Variants in FMN2 observed in about 807,000 individuals in gnomAD.
FMN2 encodes the protein formin-2.
FMN2 carries 51 observed loss-of-function variants against 142.3 expected under a neutral mutation model. The observed-to-expected ratio is 0.36, with a 90% confidence interval of 0.29 to 0.45. The LOEUF is 0.45. Ranked by LOEUF, FMN2 falls within the 20% of genes least tolerant of loss-of-function variation. The pLI is 1.00. For synonymous variants in FMN2, 882 were observed against 869.8 expected (o/e 1.01, Z -0.25); for missense variants, 1,936 against 2,122.8 (o/e 0.91, Z 1.73).
chr1:240,124,883 T>C (rs557246873), intron 2 of FMN2, among the ~76,000 whole-genome samples: 1 of 152,132 alleles, frequency 6.6e-6, no homozygotes, highest in East Asian at 1.9e-4. Flanking sequence ...GTTCAGGCTG[T>C]TCTTGAACTC....
At chr1:240,110,082 G>A (rs923461415) in intron 1 of FMN2, among the ~76,000 whole-genome samples, 2 of 152,166 alleles carry the variant, frequency 1.3e-5, no homozygotes, top group African/African-American at 4.8e-5. Context: ...GGCTTTGGTT[G>A]TTGTAAGTAG....
At chr1:240,264,612 A>G (rs1220516648) in intron 7 of FMN2, among the ~76,000 whole-genome samples, 1 of 152,004 alleles carries the variant, frequency 6.6e-6, no homozygotes, top group African/African-American at 2.4e-5. Context: ...ACTCCCACTT[A>G]TGAGTGAGAA....
rs1352034179 is a variant in FMN2, at chr1:240,352,686, G to A, written c.4766-3130G>A. Among the ~76,000 whole-genome samples the A allele has an allele frequency of 3.9e-5, 6 of 152,096 alleles. No individual in the cohort carries two copies. The East Asian group carries it at 7.7e-4, about 20-fold the overall frequency. ...GAAATGATAAGGGCTGTTAAATCTC[G>A]GCCTCATTTCTTTTAAGTGATGTAA... On this transcript the variant is annotated intron_variant, in intron 13 of 17. Transcript: ENST00000319653.
At chr1:240,377,271 T>C (rs751267029) in intron 14 of FMN2, among the ~76,000 whole-genome samples, 1 of 152,022 alleles carries the variant, frequency 6.6e-6, no homozygotes, top group Non-Finnish European at 1.5e-5. Context: ...TTCCCATTTT[T>C]GAGAGATATT....
At position 240,208,378 on chromosome 1, in the gene FMN2, C is replaced by G. The variant is rs776259110; in HGVS notation, c.3566C>G (p.Pro1189Arg). The G allele has an allele frequency of 3.1e-6, 5 of 1,590,348 alleles. No individual in the cohort carries two copies. Among genetic ancestry groups the G allele is most frequent in the Non-Finnish European group, 4.3e-6 (5 of 1,165,856 alleles). The change falls in exon 5 of 18, where the codon CCT becomes CGT. Residue 1189 changes from proline (P) to arginine (R), a missense_variant. By Grantham distance (103) the Pro-to-Arg change is moderately radical. Transcript: ENST00000319653. ...GGAGTGGGAATACCTCCTCCGCCCC[C>G]TCTACCTGGAGTGGGAATACCTCCT... is the stretch of plus-strand genomic sequence containing the variant. ...LPGVGIPPPP[P>R]LPGVGIPPPP...
At chr1:240,173,643 T>C (rs555674989) in intron 2 of FMN2, among the ~76,000 whole-genome samples, 1 of 152,246 alleles carries the variant, frequency 6.6e-6, no homozygotes, top group Non-Finnish European at 1.5e-5. Context: ...TGAAATGATA[T>C]TTAAGTTGAA....
intron 6 of FMN2, among the ~76,000 whole-genome samples, chr1:240,245,945 C>T (rs1427391795): frequency 6.6e-6 from 1 of 151,118 alleles, no homozygotes; most frequent in Non-Finnish European, 1.5e-5. Context: ...CTTGGGGAGG[C>T]CGTGGCGGGC....
chr1:240,376,040 T>G (rs1309177916), intron 14 of FMN2, among the ~76,000 whole-genome samples: 2 of 152,150 alleles, frequency 1.3e-5, no homozygotes, highest in Non-Finnish European at 2.9e-5. Flanking sequence ...TATATCTTCT[T>G]TTTGAATTGA....
At chr1:240,106,220 T>C (rs1661602338) in intron 1 of FMN2, among the ~76,000 whole-genome samples, 1 of 152,208 alleles carries the variant, frequency 6.6e-6, no homozygotes, top group Non-Finnish European at 1.5e-5. Flanking sequence ...GACACCTTCA[T>C]ATGATCTTCT....
At chr1:240,426,542 G>A (rs145283255) in intron 15 of FMN2, among the ~76,000 whole-genome samples, 1 of 152,152 alleles carries the variant, frequency 6.6e-6, no homozygotes, top group East Asian at 1.9e-4. Flanking sequence ...ATGTGCAAAG[G>A]TGAACAGAAT....
At chr1:240,198,487 A>G (rs1248237934) in intron 4 of FMN2, among the ~76,000 whole-genome samples, 7 of 152,210 alleles carry the variant, frequency 4.6e-5, no homozygotes, top group African/African-American at 1.7e-4. Flanking sequence ...ATTCCAGTTC[A>G]GAAATATTAT....
chr1:240,431,402 T>TTATATATATATACATATATATATA, intron 15 of FMN2, among the ~76,000 whole-genome samples: 1 of 139,200 alleles, frequency 7.2e-6, no homozygotes, highest in African/African-American at 2.7e-5. Context: ...CAACCATGTT[T>TTATATATATATACATATATATATA]TATATATATA....
intron 13 of FMN2, among the ~76,000 whole-genome samples, chr1:240,343,989 A>G (rs1671824154): frequency 6.6e-6 from 1 of 152,170 alleles, no homozygotes; most frequent in Non-Finnish European, 1.5e-5. Context: ...TGACCATGAG[A>G]TGATAGAAAA....
At chr1:240,393,359 T>C (rs1673672448) in intron 15 of FMN2, among the ~76,000 whole-genome samples, 2 of 152,204 alleles carry the variant, frequency 1.3e-5, no homozygotes. Flanking sequence ...TGATCTTTTA[T>C]GTTACTATTG....
chr1:240,365,551 T>G (rs1022136858), intron 14 of FMN2, among the ~76,000 whole-genome samples: 1 of 152,168 alleles, frequency 6.6e-6, no homozygotes, highest in African/African-American at 2.4e-5. Flanking sequence ...AATAAAACAT[T>G]TTATTATTCA....
chr1:240,180,262 G>C, intron 3 of FMN2: 1 of 929,196 alleles, frequency 1.1e-6, no homozygotes, highest in Non-Finnish European at 1.5e-6. Context: ...TTTTTCATCA[G>C]AGTGATCTAA....
At chr1:240,268,140 A>G (rs1329882385) in intron 7 of FMN2, among the ~76,000 whole-genome samples, 1 of 152,098 alleles carries the variant, frequency 6.6e-6, no homozygotes, top group Admixed American at 6.6e-5. Context: ...TACTGGGTAT[A>G]TATCTAAAAG....
At chr1:240,464,375 ATT>A (rs1676545428) in intron 16 of FMN2, among the ~76,000 whole-genome samples, 1 of 152,138 alleles carries the variant, frequency 6.6e-6, no homozygotes, top group Non-Finnish European at 1.5e-5. Flanking sequence ...CAGGGAATTA[ATT>A]TGATTGGTCA....
chr1:240,174,233 A>G (rs771850266), intron 2 of FMN2, among the ~76,000 whole-genome samples: 7 of 152,202 alleles, frequency 4.6e-5, no homozygotes, highest in Non-Finnish European at 8.8e-5. Flanking sequence ...GATTTAAGAT[A>G]GGCTGTTTTC....
Sources: gnomAD v4.1 joint callset for allele counts (sites outside exome capture counted in the v4.1 genomes callset) on GRCh38, gnomAD v4.1.1 for gene constraint, MANE v1.5 for transcripts, NCBI Gene and HGNC (gene_info 2026-07-23, HGNC 2026-07-21) for gene names.